Variants in CORO6 observed in about 807,000 individuals in gnomAD.
CORO6 encodes coronin 6.
In CORO6, 43 loss-of-function variants were observed where a neutral mutation model predicts 49.0. That is an observed-to-expected ratio of 0.88 (90% CI 0.69 to 1.13). The LOEUF is 1.13. Ranked by LOEUF, CORO6 falls within the 50% of genes most tolerant of loss-of-function variation. The pLI is 0.00. For synonymous variants in CORO6, 233 were observed against 256.5 expected, an observed-to-expected ratio of 0.91 and a Z score of 0.88; for missense variants, 650 against 647.0, an observed-to-expected ratio of 1.00 and a Z score of -0.05.
At chr17:29,619,858 C>G in intron 2 of CORO6, 85 bp from the exon 3 acceptor site, 2 of 1,241,574 alleles carry the variant, frequency 1.6e-6, no homozygotes, top group Non-Finnish European at 2.3e-6. Flanking sequence ...CATCTCGATT[C>G]CTTATTACCT....
Position 29,616,951 on chromosome 17 carries a change from T to C in CORO6, c.845A>G (p.Tyr282Cys). The C allele has an allele frequency of 6.2e-7, 1 of 1,613,700 alleles. No individual in the cohort carries two copies. The highest frequency in any genetic ancestry group is 8.5e-7 in the Non-Finnish European group (1 of 1,180,000). ...PFYDPDSSIV[Y>C]LCGKGDSSIR... Reference sequence around the variant, plus strand: ...GGCCGTGAGCACCTTGCCACACAGGTAGACGATGCTGGAGTCGGGATCGTA... The same window carrying C: ...GGCCGTGAGCACCTTGCCACACAGGCAGACGATGCTGGAGTCGGGATCGTA... Residue 282 changes from tyrosine to cysteine, a missense_variant, in exon 7 of 11, where the codon TAC (tyrosine) becomes TGC (cysteine). By Grantham distance (194) the Tyr-to-Cys change is radical (BLOSUM62 -2). Coordinates refer to ENST00000388767, the MANE Select transcript of CORO6 (RefSeq NM_032854.4). The surrounding 1 kb of genome is among the most constrained non-coding windows in gnomAD (Gnocchi z 5.6).
chr17:29,617,097 G>A, intron 6 of CORO6, 55 bp from the exon 7 acceptor site: 7 of 1,594,838 alleles, frequency 4.4e-6, no homozygotes, highest in Non-Finnish European at 6.0e-6. Flanking sequence ...GTGCTACTTC[G>A]GGACCCCCAG....
At chr17:29,617,987 A>G in intron 5 of CORO6, 3 of 1,336,218 alleles carry the variant, frequency 2.2e-6, no homozygotes, top group Admixed American at 6.2e-5. Context: ...CAGCCCGGGA[A>G]GGCGCTCCCG....
Position 29,616,150 on chromosome 17 carries a change from T to C in CORO6, c.1088A>G (p.Tyr363Cys). The C allele has an allele frequency of 6.2e-7, 1 of 1,613,336 alleles. No homozygotes were observed. The highest frequency in any genetic ancestry group is 8.5e-7 in the Non-Finnish European group (1 of 1,179,912). The change falls in exon 10 of 11, where the codon TAC becomes TGC. Residue 363 changes from tyrosine (Y) to cysteine (C), a missense_variant. By Grantham distance (194) the Tyr-to-Cys change is radical. Coordinates refer to ENST00000388767, the MANE Select transcript of CORO6 (RefSeq NM_032854.4). The surrounding 1 kb of genome is among the most constrained non-coding windows in gnomAD (Gnocchi z 5.6). ...RKSDLFQDDL[Y>C]PDTPGPEPAL... ...CGGCTCCGGGCCTGGCGTATCCGGGTACAGATCGTCCTGGAAGAGGTCTGA... is the reference window on the plus strand; with the variant it reads ...CGGCTCCGGGCCTGGCGTATCCGGGCACAGATCGTCCTGGAAGAGGTCTGA...
In CORO6 at chr17:29,619,136, G is replaced by C. The variant is rs2035172011; in HGVS notation, c.375C>G (p.Ile125Met). The change falls in exon 4 of 11, where the codon ATC becomes ATG. Residue 125 changes from isoleucine to methionine, a missense_variant. By Grantham distance (10) the Ile-to-Met change is conservative. Transcript: ENST00000388767. ...CACGCTTGGAGTGGCCCTCAAGTGT[G>C]ATGATAGGTTCCGTAATGTTGCGCA... Reference protein sequence around the residue: ...TPMRNITEPIITLEGHSKRVG... With the variant: ...TPMRNITEPIMTLEGHSKRVG... 1 of 1,613,590 alleles carries C rather than the reference G, an allele frequency of 6.2e-7. No individual in the cohort carries two copies. Among genetic ancestry groups the C allele is most frequent in the Non-Finnish European group, 8.5e-7 (1 of 1,179,948 alleles).
chr17:29,618,955 G>C lies in CORO6; in HGVS notation c.468C>G (p.Ile156Met). ...VLLSAGGDNV[I>M]IIWNVGTGEV... ...CCCCGGTGCCCACATTCCAGATGAT[G>C]ATCACATTGTCACCACCTGCCCAGA... is the stretch of plus-strand genomic sequence containing the variant. The change falls in exon 5 of 11, where the codon ATC becomes ATG. Residue 156 changes from isoleucine to methionine, a missense_variant. Physicochemically the swap from Ile to Met is conservative, Grantham distance 10. Transcript: ENST00000388767. 1 of 1,613,770 alleles carries C rather than the reference G, an allele frequency of 6.2e-7. No homozygotes were observed. The highest frequency in any genetic ancestry group is 8.5e-7 in the Non-Finnish European group (1 of 1,180,002).
chr17:29,619,214 G>T, intron 3 of CORO6, 25 bp from the exon 4 acceptor site: 2 of 1,611,264 alleles, frequency 1.2e-6, no homozygotes, highest in Non-Finnish European at 8.5e-7. Context: ...AAGGTATATG[G>T]TGGGTGGAAT....
At chr17:29,617,649 T>C in intron 5 of CORO6, 30 bp from the exon 6 acceptor site, 2 of 1,561,570 alleles carry the variant, frequency 1.3e-6, no homozygotes, top group East Asian at 2.3e-5. Flanking sequence ...GGGAGGGACA[T>C]CACCCAGCTG....
rs1387573779 is a variant in CORO6 at position 29,614,783 on chromosome 17, C to T, written c.*949G>A. ...CGGAGGCTTTTGCTACCTAACTTTA[C>T]TTGGGGGGAACGCCTACGGTGTGGG... On this transcript the variant is annotated 3_prime_UTR_variant, in exon 11 of 11. Coordinates refer to ENST00000388767, the MANE Select transcript of CORO6 (RefSeq NM_032854.4). The T allele has an allele frequency of 1.3e-5, 2 of 152,544 alleles. No homozygotes were observed. The highest frequency in any genetic ancestry group is 2.9e-5 in the Non-Finnish European group (2 of 68,106). 9.4% of individuals were successfully genotyped at this position (152,544 alleles called of 1,614,324 possible). A position where few individuals can be genotyped will look rare whatever the true frequency, so the allele number is the denominator to read the frequency against.
At chr17:29,617,672 A>C in intron 5 of CORO6, 53 bp from the exon 6 acceptor site, 3 of 1,501,000 alleles carry the variant, frequency 2.0e-6, no homozygotes, top group Non-Finnish European at 2.7e-6. Flanking sequence ...TGCCCTGAGG[A>C]GCATGGAGGG....
rs1425612852 is a variant in CORO6 at position 29,616,343 on chromosome 17, G to A, written c.1005-7C>T. The A allele has an allele frequency of 3.1e-6, 5 of 1,598,958 alleles. No homozygotes were observed. Among genetic ancestry groups the A allele is most frequent in the Non-Finnish European group, 4.3e-6 (5 of 1,171,970 alleles). ...TTCGTGTAGCTTGTAGAACCTATAA[G>A]GGAGCAGGGTTCAGCACCCTCGCAG... On this transcript the variant is annotated splice_polypyrimidine_tract_variant and splice_region_variant and intron_variant, in intron 8 of 10. Coordinates refer to ENST00000388767, the MANE Select transcript of CORO6 (RefSeq NM_032854.4). This position sits in a 1 kb window ranked among gnomAD's most constrained non-coding sequence, Gnocchi z 5.6.
rs752856330 is a variant in CORO6, at chr17:29,619,769, C to T, written c.203G>A (p.Gly68Glu). ...CAGTGGGTAGTTCTTATCCACTCGC[C>T]CTGTCTGAGGGGTTGGAGAAGAAGA... ...AFIVLPLAKTGRVDKNYPLVT... is the reference protein window; with the variant it reads ...AFIVLPLAKTERVDKNYPLVT... Residue 68 changes from glycine (G) to glutamate (E), a missense_variant, in exon 3 of 11, where the codon GGG becomes GAG. Gly to Glu is a moderately conservative substitution (Grantham distance 98). Coordinates refer to ENST00000388767, the MANE Select transcript of CORO6 (RefSeq NM_032854.4). 10 of 1,609,508 alleles carry T rather than the reference C, an allele frequency of 6.2e-6. No homozygotes were observed. The Admixed American group carries it at 1.5e-4, about 24-fold the overall frequency.
At chr17:29,622,574 C>T (rs886749990) in intron 1 of CORO6, 114 bp downstream of exon 1, 1 of 518,704 alleles carries the variant, frequency 1.9e-6, no homozygotes, top group African/African-American at 2.1e-5. Flanking sequence ...CCACGTCCTC[C>T]CCGCCCGAAA....
chr17:29,619,075 C>T lies in CORO6; in HGVS notation c.436G>A (p.Val146Ile). Residue 146 changes from valine (V) to isoleucine (I), a missense_variant, in exon 4 of 11, where the codon GTC becomes ATC. Val to Ile is a conservative substitution (Grantham distance 29). Coordinates refer to ENST00000388767, the MANE Select transcript of CORO6 (RefSeq NM_032854.4). Reference protein sequence around the residue: ...ILSWHPTARNVLLSAGGDNVI... With the variant: ...ILSWHPTARNILLSAGGDNVI... Reference sequence around the variant, plus strand: ...GCCCCCAGACCTGCACTGAGCAGGACATTCCTGGCAGTAGGGTGCCAGGAG... The same window carrying T: ...GCCCCCAGACCTGCACTGAGCAGGATATTCCTGGCAGTAGGGTGCCAGGAG... 6.2e-7 allele frequency: 1 copy of T among 1,613,562 alleles called. No homozygotes were observed. Among genetic ancestry groups the T allele is most frequent in the Non-Finnish European group, 8.5e-7 (1 of 1,179,832 alleles).
At position 29,616,756 on chromosome 17, in the gene CORO6, C is replaced by T; in HGVS notation, c.950G>A (p.Gly317Asp). The T allele has an allele frequency of 6.2e-7, 1 of 1,613,852 alleles. No homozygotes were observed. The highest frequency in any genetic ancestry group is 8.5e-7 in the Non-Finnish European group (1 of 1,179,936). The change falls in exon 8 of 11, where the codon GGC becomes GAC. Residue 317 changes from glycine to aspartate, a missense_variant. Physicochemically the swap from Gly to Asp is moderately conservative, Grantham distance 94. Transcript: ENST00000388767. This position sits in a 1 kb window ranked among gnomAD's most constrained non-coding sequence, Gnocchi z 5.6. ...TCCCCTTTTGGGCATGAAACCCATGCCCCGCTGCGGCTCTTTGCTGCTGAA... is the reference window on the plus strand; with the variant it reads ...TCCCCTTTTGGGCATGAAACCCATGTCCCGCTGCGGCTCTTTGCTGCTGAA... ...NTFSSKEPQR[G>D]MGFMPKRGLD... is the part of the protein sequence containing the mutation.
rs764538701 is a variant in CORO6 at position 29,618,874 on chromosome 17, C to A, written c.549G>T (p.Trp183Cys). The A allele has an allele frequency of 6.2e-7, 1 of 1,613,866 alleles. No homozygotes were observed. The highest frequency in any genetic ancestry group is 1.3e-5 in the African/African-American group (1 of 74,886). Residue 183 changes from tryptophan (W) to cysteine (C), a missense_variant, in exon 5 of 11, where the codon TGG (tryptophan) becomes TGT (cysteine). By Grantham distance (215) the Trp-to-Cys change is radical. Coordinates refer to ENST00000388767, the MANE Select transcript of CORO6 (RefSeq NM_032854.4). ...MHPDVIHSVC[W>C]NSNGSLLATT... ...TGGCTAGCAGGCTACCGTTGCTGTT[C>A]CAGCACACACTGTGGATGACGTCTG...
At position 29,617,114 on chromosome 17, in the gene CORO6, C is replaced by T. The variant is rs1021609037; in HGVS notation, c.754-72G>A. ...GCTACTTCGGGACCCCCAGAAGCCC[C>T]TTTACGCTTCCTGGCCTTCCCAAAC... is the stretch of plus-strand genomic sequence containing the variant. On this transcript the variant is annotated intron_variant, in intron 6 of 10. Transcript: ENST00000388767. 3 of 1,592,038 alleles carry T rather than the reference C, an allele frequency of 1.9e-6. No individual in the cohort carries two copies. In the African/African-American group the frequency reaches 4.0e-5, roughly 21 times the overall value.
rs762879906 is a variant in CORO6, at chr17:29,616,059, G to A, written c.1179C>T (p.Asp393=). 1.9e-6 allele frequency: 3 copies of A among 1,612,528 alleles called. No individual in the cohort carries two copies. In the African/African-American group the frequency reaches 4.0e-5, roughly 22 times the overall value. Reference sequence around the variant, plus strand: ...CGCGGTGCTTGGGGGGCACATAGCCGTCCCTCAGCGAAATGAGCACGGGTT... The same window carrying A: ...CGCGGTGCTTGGGGGGCACATAGCCATCCCTCAGCGAAATGAGCACGGGTT... The part of the protein sequence containing the change: ...DAEPVLISLR[D]GYVPPKHREL... The change falls in exon 10 of 11, where the codon GAC becomes GAT. Residue 393 remains aspartate, a synonymous_variant. Coordinates refer to ENST00000388767, the MANE Select transcript of CORO6 (RefSeq NM_032854.4). The surrounding 1 kb of genome is among the most constrained non-coding windows in gnomAD (Gnocchi z 5.6).
In CORO6 at chr17:29,621,735, G is replaced by C. The variant is rs927928451; in HGVS notation, c.-63-251C>G. ...CTAACAGACTGAAAGCTTTCTGGAC[G>C]TTGGAATGTTTTTGGGAGGAGCCTC... is the stretch of plus-strand genomic sequence containing the variant. On this transcript the variant is annotated intron_variant, in intron 1 of 10. Coordinates refer to ENST00000388767, the MANE Select transcript of CORO6 (RefSeq NM_032854.4). The surrounding 1 kb of genome is among the most constrained non-coding windows in gnomAD (Gnocchi z 4.2). The C allele has an allele frequency of 3.3e-5, 12 of 364,848 alleles. No individual in the cohort carries two copies. The highest frequency in any genetic ancestry group is 2.5e-4 in the African/African-American group (12 of 48,680). 22.6% of individuals were successfully genotyped at this position (364,848 alleles called of 1,614,324 possible).
Sources: gnomAD v4.1 joint callset for allele counts on GRCh38, gnomAD v4.1.1 for gene constraint, Gnocchi (gnomAD v3.1) non-coding constraint, MANE v1.5 for transcripts, NCBI Gene and HGNC (gene_info 2026-07-23, HGNC 2026-07-21) for gene names.